SLC9A9: variants seen among roughly 807,000 people sequenced by gnomAD.
The protein encoded by SLC9A9 is solute carrier family 9 member A9, also known as sodium/hydrogen exchanger 9.
A neutral mutation model predicts 77.8 loss-of-function variants in SLC9A9; 62 were observed. The observed-to-expected ratio is 0.80, with a 90% CI of 0.65 to 0.98. SLC9A9 has a LOEUF of 0.98. Among genes scored for constraint, SLC9A9 ranks in the 50% least tolerant of loss-of-function variants. SLC9A9 has a pLI of 0.00. For synonymous variants in SLC9A9, 320 were observed against 283.5 expected, an observed-to-expected ratio of 1.13 and a Z score of -1.29; for missense variants, 775 against 774.9, an observed-to-expected ratio of 1.00 and a Z score of 0.00.
At chr3:143,808,143 A>G (rs1431486480) in intron 2 of SLC9A9, among the ~76,000 whole-genome samples, 1 of 152,228 alleles carries the variant, frequency 6.6e-6, no homozygotes, top group East Asian at 1.9e-4. Context: ...AAGAAAGCCT[A>G]AGGTCAAATG....
intron 15 of SLC9A9, among the ~76,000 whole-genome samples, chr3:143,267,561 C>T (rs1937768055): frequency 6.6e-6 from 1 of 152,016 alleles, no homozygotes; most frequent in South Asian, 2.1e-4. Context: ...CCATGTTGGT[C>T]AGGCTGGTCT....
intron 14 of SLC9A9, among the ~76,000 whole-genome samples, chr3:143,345,741 CCAAAAG>C (rs1259889563): frequency 6.6e-6 from 1 of 152,026 alleles, no homozygotes; most frequent in African/African-American, 2.4e-5. Context: ...TATAGTGTGC[CCAAAAG>C]CAACATGTTG....
intron 12 of SLC9A9, among the ~76,000 whole-genome samples, chr3:143,396,075 T>A (rs1251354503): frequency 2.0e-5 from 3 of 152,172 alleles, no homozygotes; most frequent in Non-Finnish European, 4.4e-5. Flanking sequence ...GAAATACCAT[T>A]TGACCCAGCA....
chr3:143,813,904 TG>T (rs1434760569), intron 2 of SLC9A9, among the ~76,000 whole-genome samples: 1 of 152,178 alleles, frequency 6.6e-6, no homozygotes, highest in Non-Finnish European at 1.5e-5. Flanking sequence ...AAGATTGTCC[TG>T]GATGAAGGGA....
intron 6 of SLC9A9, among the ~76,000 whole-genome samples, chr3:143,584,058 G>A (rs1450083483): frequency 6.6e-6 from 1 of 152,142 alleles, no homozygotes; most frequent in Non-Finnish European, 1.5e-5. Context: ...TGCTGATAGT[G>A]AACATAAAAT....
At chr3:143,793,310 A>G (rs2121775) in intron 4 of SLC9A9, among the ~76,000 whole-genome samples, 22,368 of 152,184 alleles carry the variant, frequency 0.15, 1,933 homozygotes, top group South Asian at 0.29. Flanking sequence ...TGAAAGATCT[A>G]AGAAAGAATT....
intron 9 of SLC9A9, among the ~76,000 whole-genome samples, chr3:143,538,468 A>C (rs1253520801): frequency 6.6e-6 from 1 of 152,224 alleles, no homozygotes; most frequent in African/African-American, 2.4e-5. Flanking sequence ...ACCAGCCTGC[A>C]GACCACCATT....
At chr3:143,298,136 AG>A (rs2030359362) in intron 14 of SLC9A9, among the ~76,000 whole-genome samples, 1 of 152,202 alleles carries the variant, frequency 6.6e-6, no homozygotes, top group Admixed American at 6.5e-5. Flanking sequence ...GTTCTACATT[AG>A]GTTTAGCCAT....
chr3:143,839,647 A>T (rs993208911), intron 1 of SLC9A9, among the ~76,000 whole-genome samples: 1 of 152,184 alleles, frequency 6.6e-6, no homozygotes, highest in Non-Finnish European at 1.5e-5. Flanking sequence ...CACAATGTAC[A>T]CACTTCACAA....
intron 13 of SLC9A9, among the ~76,000 whole-genome samples, chr3:143,369,275 A>G (rs2032988182): frequency 6.6e-6 from 1 of 152,150 alleles, no homozygotes; most frequent in Admixed American, 6.5e-5. Flanking sequence ...ATTCTTTGAT[A>G]TTTTTTCCTT....
chr3:143,433,512 G>T (rs190944865), intron 12 of SLC9A9, among the ~76,000 whole-genome samples: 1 of 152,000 alleles, frequency 6.6e-6, no homozygotes, highest in African/African-American at 2.4e-5. Context: ...TTATAATAAC[G>T]TCCAATACAT....
At chr3:143,392,509 A>C (rs1265920745) in intron 12 of SLC9A9, among the ~76,000 whole-genome samples, 1 of 152,016 alleles carries the variant, frequency 6.6e-6, no homozygotes, top group Non-Finnish European at 1.5e-5. Context: ...CCAAATTGTA[A>C]AGACCATCGA....
intron 4 of SLC9A9, among the ~76,000 whole-genome samples, chr3:143,747,039 C>T (rs567840651): frequency 1.4e-4 from 21 of 152,164 alleles, no homozygotes; most frequent in South Asian, 8.3e-4. Context: ...TGCTGTGGTA[C>T]GCTGAACAAT....
intron 4 of SLC9A9, among the ~76,000 whole-genome samples, chr3:143,744,311 G>C (rs1050207187): frequency 2.0e-5 from 3 of 152,086 alleles, no homozygotes; most frequent in Non-Finnish European, 2.9e-5. Context: ...TAGAACCCTG[G>C]GCATATGGCC....
chr3:143,519,122 C>G (rs1419554389), intron 9 of SLC9A9, among the ~76,000 whole-genome samples: 1 of 151,872 alleles, frequency 6.6e-6, no homozygotes, highest in Admixed American at 6.6e-5. Flanking sequence ...CTTTTTGGAA[C>G]ATAAATTATG....
intron 14 of SLC9A9, among the ~76,000 whole-genome samples, chr3:143,308,369 G>T (rs1305707260): frequency 1.3e-5 from 2 of 152,110 alleles, no homozygotes; most frequent in Non-Finnish European, 2.9e-5. Context: ...GAGGCCAGGA[G>T]ATCGAGACCA....
At chr3:143,360,882 T>C (rs2032735073) in intron 14 of SLC9A9, among the ~76,000 whole-genome samples, 1 of 152,250 alleles carries the variant, frequency 6.6e-6, no homozygotes, top group African/African-American at 2.4e-5. Context: ...ATCTAAGGTA[T>C]TTTGTAGATG....
At chr3:143,478,884 T>C (rs13059261) in intron 11 of SLC9A9, among the ~76,000 whole-genome samples, 17,889 of 152,274 alleles carry the variant, frequency 0.12, 1,204 homozygotes, top group South Asian at 0.21. Context: ...TAATGTAGTC[T>C]ATTTGTTTGC....
At chr3:143,729,800 T>C (rs971920970) in intron 4 of SLC9A9, among the ~76,000 whole-genome samples, 2 of 152,140 alleles carry the variant, frequency 1.3e-5, no homozygotes, top group Non-Finnish European at 2.9e-5. Flanking sequence ...ACTTAAGGCC[T>C]TTCCCAGCCT....
Sources: gnomAD v4.1 joint callset for allele counts (sites outside exome capture counted in the v4.1 genomes callset) on GRCh38, gnomAD v4.1.1 for gene constraint, MANE v1.5 for transcripts, NCBI Gene and HGNC (gene_info 2026-07-23, HGNC 2026-07-21) for gene names.